The following MTREX variants were observed in gnomAD, a reference collection of about 807,000 sequenced individuals.
MTREX encodes Mtr4 exosome RNA helicase, also known as exosome RNA helicase MTR4.
In MTREX, 76 loss-of-function variants were observed where a neutral mutation model predicts 135.4. That is an observed-to-expected ratio of 0.56 (90% CI 0.47 to 0.68). The LOEUF is 0.68. Among genes scored for constraint, MTREX ranks in the 30% least tolerant of loss-of-function variants. The probability of loss-of-function intolerance (pLI) is 0.00; values close to 1 mark genes in which losing one functional copy is unlikely to be tolerated. For missense variants in MTREX, 920 were observed against 1,262.1 expected (o/e 0.73, Z 4.11); for synonymous variants, 404 against 401.6 (o/e 1.01, Z -0.07).
intron 18 of MTREX, among the ~76,000 whole-genome samples, chr5:55,387,230 C>A (rs1246281680): frequency 6.6e-6 from 1 of 151,850 alleles, no homozygotes; most frequent in Non-Finnish European, 1.5e-5. Context: ...ATGTTTTATT[C>A]TTGTTAAACA....
chr5:55,316,963 G>A (rs1004457878), intron 1 of MTREX, among the ~76,000 whole-genome samples: 1 of 152,098 alleles, frequency 6.6e-6, no homozygotes, highest in Admixed American at 6.6e-5. Flanking sequence ...AAAAAGGCTA[G>A]CATTCTTATA....
chr5:55,387,614 G>A (rs955547707), intron 18 of MTREX, among the ~76,000 whole-genome samples: 10 of 151,980 alleles, frequency 6.6e-5, no homozygotes, highest in Non-Finnish European at 1.3e-4. Context: ...AGCATAATAA[G>A]CAATAAAATA....
intron 5 of MTREX, among the ~76,000 whole-genome samples, chr5:55,332,486 T>C (rs1018212599): frequency 1.4e-4 from 22 of 152,198 alleles, no homozygotes; most frequent in African/African-American, 4.8e-4. Context: ...TGTTTTCTGT[T>C]GCTGTATTCT....
intron 19 of MTREX, among the ~76,000 whole-genome samples, chr5:55,396,082 T>C (rs1750641277): frequency 1.3e-5 from 2 of 152,214 alleles, no homozygotes; most frequent in Non-Finnish European, 2.9e-5. Context: ...ATAGGCAAAA[T>C]ATAACTAATT....
chr5:55,367,540 A>G (rs1192137010), intron 16 of MTREX, among the ~76,000 whole-genome samples: 1 of 151,654 alleles, frequency 6.6e-6, no homozygotes, highest in African/African-American at 2.4e-5. Context: ...ACCATTTCTC[A>G]TTATAAAAGA....
intron 1 of MTREX, 123 bp downstream of exon 1, chr5:55,308,270 G>T: frequency 8.2e-7 from 1 of 1,224,088 alleles, no homozygotes; most frequent in Non-Finnish European, 1.1e-6. Context: ...GAAGTGAAGG[G>T]GTTCCAGAAA....
intron 6 of MTREX, among the ~76,000 whole-genome samples, 181 bp from the exon 7 acceptor site, chr5:55,341,500 A>G (rs1411196450): frequency 6.6e-6 from 1 of 152,214 alleles, no homozygotes; most frequent in Non-Finnish European, 1.5e-5. Context: ...ACAATGTAAT[A>G]TTGAATATTA....
intron 5 of MTREX, among the ~76,000 whole-genome samples, chr5:55,335,191 G>A (rs1165316206): frequency 6.6e-6 from 1 of 151,998 alleles, no homozygotes; most frequent in Admixed American, 6.6e-5. Context: ...TAATTGCGTT[G>A]TAAGAAGTCT....
At chr5:55,358,496 A>T in intron 14 of MTREX, 77 bp from the exon 15 acceptor site, 1 of 1,244,156 alleles carries the variant, frequency 8.0e-7, no homozygotes, top group African/African-American at 1.5e-5. Flanking sequence ...TATAAATTTT[A>T]TAAAAAGAGA....
At chr5:55,310,617 A>AG (rs1749097007) in intron 1 of MTREX, among the ~76,000 whole-genome samples, 1 of 152,152 alleles carries the variant, frequency 6.6e-6, no homozygotes, top group Admixed American at 6.5e-5. Context: ...CAAAAAAAAA[A>AG]AGAGAAAAAA....
chr5:55,324,328 C>CTTATTTTAACTTTT, intron 3 of MTREX, 130 bp downstream of exon 3: 1 of 465,222 alleles, frequency 2.1e-6, no homozygotes, highest in Non-Finnish European at 3.8e-6. Context: ...CATGGGGTAC[C>CTTATTTTAACTTTT]TAGTGGAAGA....
At chr5:55,351,139 G>T (rs767332032) in intron 13 of MTREX, 110 bp downstream of exon 13, 9 of 1,268,586 alleles carry the variant, frequency 7.1e-6, no homozygotes, top group Non-Finnish European at 9.2e-6. Flanking sequence ...AAGGCTTAAT[G>T]AAATGACTTA....
At chr5:55,313,624 A>G (rs1749151703) in intron 1 of MTREX, among the ~76,000 whole-genome samples, 1 of 152,174 alleles carries the variant, frequency 6.6e-6, no homozygotes, top group Non-Finnish European at 1.5e-5. Context: ...TCTTTTCTCT[A>G]AATGTTTATG....
intron 1 of MTREX, among the ~76,000 whole-genome samples, chr5:55,311,309 T>C (rs896701582): frequency 6.6e-6 from 1 of 152,198 alleles, no homozygotes; most frequent in Non-Finnish European, 1.5e-5. Context: ...CTTAATATCG[T>C]TAAATACTGA....
intron 14 of MTREX, among the ~76,000 whole-genome samples, chr5:55,355,317 C>G (rs1246842667): frequency 6.6e-6 from 1 of 152,160 alleles, no homozygotes; most frequent in Non-Finnish European, 1.5e-5. Flanking sequence ...TGGGCCATAT[C>G]AAAGGATTGA....
chr5:55,341,679 A>T lies in MTREX; in HGVS notation c.691-2A>T. Reference sequence around the variant, plus strand: ...AAATACATTTTTTACTTTTTTCTTTAGATTTTGAGAAGTATGCTTTACAGA... The same window carrying T: ...AAATACATTTTTTACTTTTTTCTTTTGATTTTGAGAAGTATGCTTTACAGA... On this transcript the variant is annotated splice_acceptor_variant, in intron 6 of 26. Coordinates refer to ENST00000230640, the MANE Select transcript of MTREX (RefSeq NM_015360.5). LOFTEE classifies it high-confidence loss of function. 1 of 1,538,888 alleles carries T rather than the reference A, an allele frequency of 6.5e-7. No homozygotes were observed. Among genetic ancestry groups the T allele is most frequent in the Non-Finnish European group, 8.9e-7 (1 of 1,127,478 alleles).
At chr5:55,368,585 A>C (rs772358352) in intron 16 of MTREX, among the ~76,000 whole-genome samples, 2 of 152,158 alleles carry the variant, frequency 1.3e-5, no homozygotes, top group Non-Finnish European at 2.9e-5. Flanking sequence ...ATATAGGACA[A>C]TTCCACTCTT....
chr5:55,349,325 T>C (rs12523130), intron 11 of MTREX, among the ~76,000 whole-genome samples: 8,783 of 151,916 alleles, frequency 0.058, 452 homozygotes, highest in Admixed American at 0.11. Context: ...TAGCTGGGAC[T>C]ACAGGTGCAC....
chr5:55,376,392 A>AT (rs748568871), intron 16 of MTREX, among the ~76,000 whole-genome samples: 15 of 152,310 alleles, frequency 9.8e-5, no homozygotes, highest in Middle Eastern at 6.8e-3. Context: ...TGATTTGCCA[A>AT]TTTTTGATCG....
Sources: allele counts gnomAD v4.1 joint callset (sites outside exome capture counted in the v4.1 genomes callset), GRCh38; gene constraint gnomAD v4.1.1; transcripts MANE v1.5; gene names NCBI Gene and HGNC (gene_info 2026-07-23, HGNC 2026-07-21).